NGDN: variants seen among roughly 807,000 people sequenced by gnomAD.
NGDN encodes neuroguidin.
A neutral mutation model predicts 45.2 loss-of-function variants in NGDN; 41 were observed. The ratio of observed to expected loss-of-function variants is 0.91; its 90% CI spans 0.71 to 1.18. The LOEUF (loss-of-function observed/expected upper bound fraction) is 1.18. Ranked by LOEUF, NGDN falls within the 50% of genes most tolerant of loss-of-function variation. NGDN has a pLI of 0.00. For synonymous variants in NGDN, 137 were observed against 130.9 expected (o/e 1.05, Z -0.32); for missense variants, 402 against 399.9 (o/e 1.01, Z -0.05).
At chr14:23,473,283 G>C (rs949275426) in intron 3 of NGDN, among the ~76,000 whole-genome samples, 1 of 152,108 alleles carries the variant, frequency 6.6e-6, no homozygotes, top group Non-Finnish European at 1.5e-5. Context: ...ACAGGTGTGA[G>C]CCACCACACC....
intron 2 of NGDN, chr14:23,470,400 T>C (rs754043925): frequency 2.1e-5 from 7 of 334,266 alleles, no homozygotes; most frequent in Non-Finnish European, 3.8e-5. Context: ...TACACACTTA[T>C]ATACAGATGC....
chr14:23,475,779 G>T lies in NGDN; in HGVS notation c.420+1G>T, dbSNP rs2138725140. 1.2e-6 allele frequency: 2 copies of T among 1,612,442 alleles called. No individual in the cohort carries two copies. The highest frequency in any genetic ancestry group is 1.7e-6 in the Non-Finnish European group (2 of 1,179,864). On this transcript the variant is annotated splice_donor_variant, in intron 6 of 10. Coordinates refer to ENST00000408901, the MANE Select transcript of NGDN (RefSeq NM_001042635.2). LOFTEE classifies it high-confidence loss of function. Reference sequence around the variant, plus strand: ...TCATCCCAGCAATATGATGAGCAAGGTAAGGGGTTGTAGTATTCTCCTGAT... The same window carrying T: ...TCATCCCAGCAATATGATGAGCAAGTTAAGGGGTTGTAGTATTCTCCTGAT...
intron 9 of NGDN, 54 bp from the exon 10 acceptor site, chr14:23,477,449 A>T: frequency 1.2e-6 from 2 of 1,612,500 alleles, no homozygotes; most frequent in Non-Finnish European, 1.7e-6. Context: ...TTGGGAAGGG[A>T]TGCTGGCTCT....
At chr14:23,469,955 A>T (rs771637166) in intron 1 of NGDN, 87 bp from the exon 2 acceptor site, 3 of 1,416,346 alleles carry the variant, frequency 2.1e-6, no homozygotes, top group Non-Finnish European at 2.0e-6. Context: ...TGACGGAGAG[A>T]GGGCAGTTTC....
downstream of NGDN, chr14:23,478,299 A>G (rs577597472): frequency 5.1e-6 from 2 of 395,148 alleles, no homozygotes; most frequent in South Asian, 1.0e-4. Flanking sequence ...GTTTTCTTTG[A>G]TAATATATTT....
In NGDN at chr14:23,477,208, A is replaced by G. The variant is rs1394175857; in HGVS notation, c.722A>G (p.Tyr241Cys). The G allele has an allele frequency of 1.9e-6, 3 of 1,614,050 alleles. No homozygotes were observed. In the South Asian group the frequency reaches 3.3e-5, roughly 18 times the overall value. ...CTGTCTTTCTCTGGCAGGATTAACT[A>G]TGAGGAGAGCATGATGGTGCGTTTG... ...QSQEDQHRIN[Y>C]EESMMVRLSV... The change falls in exon 9 of 11, where the codon TAT becomes TGT. Residue 241 changes from tyrosine (Y) to cysteine (C), a missense_variant. Physicochemically the swap from Tyr to Cys is radical, Grantham distance 194 (BLOSUM62 -2). Transcript: ENST00000408901.
downstream of NGDN, chr14:23,478,304 A>G (rs185668601): frequency 1.5e-4 from 57 of 385,514 alleles, no homozygotes; most frequent in East Asian, 2.4e-3. Context: ...CTTTGATAAT[A>G]TATTTTTCCC....
At chr14:23,478,176 A>T, downstream of NGDN, 1 of 750,666 alleles carries the variant, frequency 1.3e-6, no homozygotes, top group Non-Finnish European at 2.2e-6. Context: ...CTTATGAATT[A>T]AAGCCCCTTT....
At position 23,477,572 on chromosome 14, in the gene NGDN, G is replaced by T; in HGVS notation, c.928+12G>T. On this transcript the variant is annotated intron_variant, in intron 10 of 10. Coordinates refer to ENST00000408901, the MANE Select transcript of NGDN (RefSeq NM_001042635.2). ...TCGGAAGAAAAAAGGTCAGTGAACT[G>T]CTGGGACTTAGGTGATCAGGTGCAA... 1 of 1,614,072 alleles carries T rather than the reference G, an allele frequency of 6.2e-7. No individual in the cohort carries two copies. Among genetic ancestry groups the T allele is most frequent in the Non-Finnish European group, 8.5e-7 (1 of 1,179,980 alleles).
chr14:23,477,785 G>T (rs1893938462), intron 10 of NGDN: 2 of 1,455,946 alleles, frequency 1.4e-6, no homozygotes, highest in South Asian at 3.0e-5. Flanking sequence ...CACAGCTCCT[G>T]TTCAGGCTTC....
chr14:23,470,011 C>G, intron 1 of NGDN, 31 bp from the exon 2 acceptor site: 1 of 1,609,846 alleles, frequency 6.2e-7, no homozygotes, highest in Non-Finnish European at 8.5e-7. Flanking sequence ...GAAAGAATGA[C>G]TTTTCTTTAC....
In NGDN at chr14:23,470,040, A is replaced by G; in HGVS notation, c.13-2A>G. Reference sequence around the variant, plus strand: ...TCTTTACGCCTCCTCTCCCTTCTGTAGGGGGTGCTGGAGTCCGACCTGCCA... The same window carrying G: ...TCTTTACGCCTCCTCTCCCTTCTGTGGGGGGTGCTGGAGTCCGACCTGCCA... On this transcript the variant is annotated splice_acceptor_variant, in intron 1 of 10. Coordinates refer to ENST00000408901, the MANE Select transcript of NGDN (RefSeq NM_001042635.2). LOFTEE classifies it high-confidence loss of function. 1 of 1,613,838 alleles carries G rather than the reference A, an allele frequency of 6.2e-7. No homozygotes were observed. Among genetic ancestry groups the G allele is most frequent in the Non-Finnish European group, 8.5e-7 (1 of 1,179,836 alleles).
rs769312901 is a variant in NGDN, at chr14:23,476,443, C to CTA, written c.713+37_713+38dup. On this transcript the variant is annotated intron_variant, in intron 8 of 10. Coordinates refer to ENST00000408901, the MANE Select transcript of NGDN (RefSeq NM_001042635.2). ...TTGCATTAGAAATTATTCCTGCACT[C>CTA]TAGAGTCCTGTCCTCATGCTTTATA... 4 of 1,565,726 alleles carry CTA rather than the reference C, an allele frequency of 2.6e-6. No individual in the cohort carries two copies. In the African/African-American group the frequency reaches 4.1e-5, roughly 16 times the overall value.
chr14:23,475,428 G>A lies in NGDN; in HGVS notation c.282+120G>A. On this transcript the variant is annotated intron_variant, in intron 4 of 10. Coordinates refer to ENST00000408901, the MANE Select transcript of NGDN (RefSeq NM_001042635.2). ...GTTTAAGGAAACCAAATGAGAAAAG[G>A]TATTTTTCTATTCATTTGCTCTACT... 5.2e-6 allele frequency: 7 copies of A among 1,352,906 alleles called. No homozygotes were observed. In the South Asian group the frequency reaches 9.3e-5, roughly 18 times the overall value. 83.8% of individuals were successfully genotyped at this position (1,352,906 alleles called of 1,614,324 possible).
Position 23,475,648 on chromosome 14 carries a change from TGAG to T in NGDN, c.367+10_367+12del, listed in dbSNP as rs1184637158. ...TGCAGTGACAGGCAGCCTTAGTAAG[TGAG>T]GAGACCATCATGAAGTTGTGGGGAC... On this transcript the variant is annotated splice_region_variant and intron_variant, in intron 5 of 10. Coordinates refer to ENST00000408901, the MANE Select transcript of NGDN (RefSeq NM_001042635.2). The T allele has an allele frequency of 6.2e-7, 1 of 1,614,068 alleles. No homozygotes were observed. The highest frequency in any genetic ancestry group is 1.1e-5 in the South Asian group (1 of 91,084).
In NGDN at chr14:23,475,586, A is replaced by G. The variant is rs1351711505; in HGVS notation, c.311A>G (p.Gln104Arg). The change falls in exon 5 of 11, where the codon CAA (glutamine) becomes CGA (arginine). Residue 104 changes from glutamine (Q) to arginine (R), a missense_variant. Physicochemically the swap from Gln to Arg is conservative, Grantham distance 43. Transcript: ENST00000408901. The part of the protein sequence containing the change: ...TVLEKLRPLD[Q>R]KLKYQIDKLI... Reference sequence around the variant, plus strand: ...TTGGAAAAGCTTCGTCCCTTGGACCAAAAGCTGAAGTATCAAATTGACAAG... The same window carrying G: ...TTGGAAAAGCTTCGTCCCTTGGACCGAAAGCTGAAGTATCAAATTGACAAG... The G allele has an allele frequency of 1.9e-6, 3 of 1,614,060 alleles. No homozygotes were observed. The highest frequency in any genetic ancestry group is 2.5e-6 in the Non-Finnish European group (3 of 1,180,020).
rs1893947670 is a variant in NGDN, at chr14:23,478,115, AT to A, written c.*91del. 1 of 1,332,562 alleles carries A rather than the reference AT, an allele frequency of 7.5e-7. No individual in the cohort carries two copies. Among genetic ancestry groups the A allele is most frequent in the African/African-American group, 1.5e-5 (1 of 68,866 alleles). The allele number at this position is 1,332,562 out of a possible 1,614,324, so 82.5% of individuals were successfully genotyped here. A position where few individuals can be genotyped will look rare whatever the true frequency, so the allele number is the denominator to read the frequency against. On this transcript the variant is annotated 3_prime_UTR_variant, in exon 11 of 11. Transcript: ENST00000408901. ...AGGTGGTTTTCCCTGGAATTCATTA[AT>A]TGTTTGCTTTGGACATGTGGAAAGA...
Position 23,476,400 on chromosome 14 carries a change from C to G in NGDN, c.706C>G (p.Gln236Glu). 1 of 1,610,848 alleles carries G rather than the reference C, an allele frequency of 6.2e-7. No individual in the cohort carries two copies. The highest frequency in any genetic ancestry group is 8.5e-7 in the Non-Finnish European group (1 of 1,179,306). The change falls in exon 8 of 11, where the codon CAA becomes GAA. Residue 236 changes from glutamine to glutamate, a missense_variant. Coordinates refer to ENST00000408901, the MANE Select transcript of NGDN (RefSeq NM_001042635.2). ...PHVTRQSQEDQHRINYEESMM... is the reference protein window; with the variant it reads ...PHVTRQSQEDEHRINYEESMM... ...TGTTACCCGCCAGAGTCAGGAGGACCAACACAGGTCTGAGCCCTTGCATTA... is the reference window on the plus strand; with the variant it reads ...TGTTACCCGCCAGAGTCAGGAGGACGAACACAGGTCTGAGCCCTTGCATTA...
chr14:23,469,875 C>A, intron 1 of NGDN, 148 bp downstream of exon 1: 1 of 1,264,968 alleles, frequency 7.9e-7, no homozygotes, highest in Non-Finnish European at 1.1e-6. Flanking sequence ...CGTTCCTGTC[C>A]GGTAACCCAA....
Sources: allele counts gnomAD v4.1 joint callset (sites outside exome capture counted in the v4.1 genomes callset), GRCh38; gene constraint gnomAD v4.1.1; transcripts MANE v1.5; gene names NCBI Gene and HGNC (gene_info 2026-07-23, HGNC 2026-07-21).